KCTD15: variants seen among roughly 807,000 people sequenced by gnomAD.
KCTD15 encodes the protein potassium channel tetramerization domain containing 15, also known as BTB/POZ domain-containing protein KCTD15.
In KCTD15, 11 loss-of-function variants were observed where a neutral mutation model predicts 27.2. The observed-to-expected ratio is 0.41, with a 90% CI of 0.25 to 0.67. The LOEUF is 0.67. Among genes scored for constraint, KCTD15 ranks in the 30% least tolerant of loss-of-function variants. KCTD15 has a pLI of 0.35. For missense variants in KCTD15, 350 were observed against 409.3 expected, an observed-to-expected ratio of 0.86 and a Z score of 1.25; for synonymous variants, 163 against 176.0, an observed-to-expected ratio of 0.93 and a Z score of 0.58.
intron 4 of KCTD15, chr19:33,801,699 C>T (rs557651553): frequency 9.7e-4 from 193 of 198,886 alleles, no homozygotes; most frequent in African/African-American, 4.3e-3. Context: ...GACTTAGGCC[C>T]GGCCCCTGCA....
intron 4 of KCTD15, among the ~76,000 whole-genome samples, chr19:33,806,097 TGTGTGC>T (rs1238640531): frequency 6.6e-6 from 1 of 152,216 alleles, no homozygotes; most frequent in Non-Finnish European, 1.5e-5. Context: ...GCATGGTTTC[TGTGTGC>T]GTGTGTGTAT....
At chr19:33,811,191 T>TCCCCCCCCCCCCCC in intron 5 of KCTD15, 56 bp from the exon 6 acceptor site, 1 of 614,996 alleles carries the variant, frequency 1.6e-6, no homozygotes, top group Non-Finnish European at 2.5e-6. Flanking sequence ...CTCTCCCCCT[T>TCCCCCCCCCCCCCC]CCCCCACCAC....
rs569868420 is a variant in KCTD15, at chr19:33,814,292, C to A, written c.*1344C>A. On this transcript the variant is annotated 3_prime_UTR_variant, in exon 7 of 7. Transcript: ENST00000683859. ...GAAGCAGCAGCCAGACTCCCGCATTCGATGTTGTGCAGGGAGGTTTGGGGG... is the reference window on the plus strand; with the variant it reads ...GAAGCAGCAGCCAGACTCCCGCATTAGATGTTGTGCAGGGAGGTTTGGGGG... 1.3e-5 allele frequency: 2 copies of A among 152,634 alleles called. No homozygotes were observed. The highest frequency in any genetic ancestry group is 1.3e-4 in the Admixed American group (2 of 15,294). 9.5% of individuals were successfully genotyped at this position (152,634 alleles called of 1,614,324 possible). A position where few individuals can be genotyped will look rare whatever the true frequency, so the allele number is the denominator to read the frequency against.
At chr19:33,796,402 G>C (rs922954798), upstream of KCTD15, 2 of 150,346 alleles carry the variant, frequency 1.3e-5, no homozygotes, top group Non-Finnish European at 3.0e-5. Context: ...GGCGAAAGGA[G>C]GGGAAACGGC....
intron 6 of KCTD15, chr19:33,812,149 C>T: frequency 2.5e-6 from 3 of 1,208,502 alleles, no homozygotes; most frequent in South Asian, 5.8e-5. Flanking sequence ...ACGCATTCCA[C>T]AGCCTGTCGG....
At chr19:33,801,446 C>T in intron 4 of KCTD15, 104 bp downstream of exon 4, 8 of 964,004 alleles carry the variant, frequency 8.3e-6, no homozygotes, top group African/African-American at 1.7e-5. Flanking sequence ...CTCCACCCAC[C>T]AGGGTCTCCA....
chr19:33,805,584 C>A (rs976585943), intron 4 of KCTD15, among the ~76,000 whole-genome samples: 5 of 152,176 alleles, frequency 3.3e-5, no homozygotes, highest in African/African-American at 4.8e-5. Flanking sequence ...GCTGGGAAGC[C>A]TAGGTCCCAA....
chr19:33,795,970 G>C (rs909234663), upstream of KCTD15: 3 of 151,972 alleles, frequency 2.0e-5, no homozygotes, highest in African/African-American at 7.2e-5. Flanking sequence ...GGGAGCGGGG[G>C]AGGGGCGGCC....
chr19:33,811,505 G>A lies in KCTD15; in HGVS notation c.646G>A (p.Val216Ile). The A allele has an allele frequency of 6.2e-7, 1 of 1,611,126 alleles. No individual in the cohort carries two copies. Among genetic ancestry groups the A allele is most frequent in the East Asian group, 2.2e-5 (1 of 44,768 alleles). The change falls in exon 6 of 7, where the codon GTC becomes ATC. Residue 216 changes from valine to isoleucine, a missense_variant. Around this residue, in one of 3 missense-constraint regions of KCTD15, gnomAD observed 219 missense variants for 234.9 expected, o/e 0.93. Coordinates refer to ENST00000683859, the MANE Select transcript of KCTD15 (RefSeq NM_001129994.2). The part of the protein sequence containing the change: ...NAGWNQDPTH[V>I]IRFPLNGYCR... ...CGGCTGGAACCAGGACCCCACGCAC[G>A]TCATCCGCTTCCCGCTCAATGGCTA...
chr19:33,797,331 T>A, intron 1 of KCTD15: 1 of 427,842 alleles, frequency 2.3e-6, no homozygotes, highest in Non-Finnish European at 4.7e-6. Context: ...CTCTGGCCCC[T>A]GTTCTGGGCC....
chr19:33,806,469 G>C lies in KCTD15; in HGVS notation c.243-394G>C, dbSNP rs554282351. Among the ~76,000 whole-genome samples, 4 of 152,302 alleles carry C rather than the reference G, an allele frequency of 2.6e-5. No homozygotes were observed. In the East Asian group the frequency reaches 5.8e-4, roughly 22 times the overall value. On this transcript the variant is annotated intron_variant, in intron 4 of 6. Transcript: ENST00000683859. ...GGCCGGGGTGTTGGATGGTTCATGT[G>C]CATTTTCTGGGTGGGTCTATCTGGC...
intron 3 of KCTD15, among the ~76,000 whole-genome samples, chr19:33,800,833 A>G (rs1975512807): frequency 6.6e-6 from 1 of 152,200 alleles, no homozygotes; most frequent in Non-Finnish European, 1.5e-5. Flanking sequence ...GATATTTCAC[A>G]TCTAACACAT....
In KCTD15 at chr19:33,812,943, G is replaced by T. The variant is rs781562603; in HGVS notation, c.847G>T (p.Asp283Tyr). ...TAVRIKQEPL[D>Y] The stretch of plus-strand genomic sequence containing the variant: ...TGTTCGAATCAAGCAGGAACCCCTG[G>T]ACTAGGCCCTGCTTCAGTGCCCACC... Residue 283 changes from aspartate to tyrosine, a missense_variant, in exon 7 of 7, where the codon GAC (aspartate) becomes TAC (tyrosine). Transcript: ENST00000683859. 66 of 1,545,946 alleles carry T rather than the reference G, an allele frequency of 4.3e-5. 2 individuals carry two copies. The South Asian group carries it at 7.6e-4, about 18-fold the overall frequency.
At position 33,800,485 on chromosome 19, in the gene KCTD15, T is replaced by C; in HGVS notation, c.31T>C (p.Ser11Pro). 1 of 1,605,296 alleles carries C rather than the reference T, an allele frequency of 6.2e-7. No individual in the cohort carries two copies. Among genetic ancestry groups the C allele is most frequent in the African/African-American group, 1.3e-5 (1 of 74,932 alleles). The change falls in exon 3 of 7, where the codon TCC becomes CCC. Residue 11 changes from serine to proline, a missense_variant. Ser to Pro is a moderately conservative substitution (Grantham distance 74). Transcript: ENST00000683859. ...TCACCGCAAGGAGCGGCCGAGCGGG[T>C]CCTCGCTTCACACACACGGCAGCAC... MPHRKERPSGSSLHTHGSTGT... is the reference protein window; with the variant it reads MPHRKERPSGPSLHTHGSTGT...
chr19:33,802,604 T>G (rs1282960145), intron 4 of KCTD15, among the ~76,000 whole-genome samples: 1 of 152,066 alleles, frequency 6.6e-6, no homozygotes, highest in Non-Finnish European at 1.5e-5. Flanking sequence ...TGGGGCCCTG[T>G]GGCCTTGGGG....
In KCTD15 at chr19:33,800,487, CT is replaced by C. The variant is rs768656764; in HGVS notation, c.34del (p.Ser12ArgfsTer71). The C allele has an allele frequency of 6.2e-7, 1 of 1,605,338 alleles. No homozygotes were observed. Among genetic ancestry groups the C allele is most frequent in the Non-Finnish European group, 8.5e-7 (1 of 1,177,198 alleles). On this transcript the variant is annotated frameshift_variant, in exon 3 of 7. Transcript: ENST00000683859. LOFTEE classifies it high-confidence loss of function. The part of the protein sequence containing the change: ...PHRKERPSGS[S>X]LHTHGSTGTA... ...ACCGCAAGGAGCGGCCGAGCGGGTC[CT>C]CGCTTCACACACACGGCAGCACCGG...
intron 6 of KCTD15, chr19:33,812,582 G>T: frequency 7.8e-7 from 1 of 1,279,822 alleles, no homozygotes; most frequent in South Asian, 3.0e-5. Context: ...CTAACCTGAG[G>T]GGTCACTGGG....
chr19:33,797,532 C>G (rs546404802), intron 1 of KCTD15: 2 of 371,104 alleles, frequency 5.4e-6, no homozygotes, highest in Non-Finnish European at 1.1e-5. Flanking sequence ...GGTGGTGGTC[C>G]CGGGCGCGCA....
At chr19:33,800,562 T>G (rs368545911) in intron 3 of KCTD15, 42 bp downstream of exon 3, 174 of 1,527,996 alleles carry the variant, frequency 1.1e-4, no homozygotes, top group Admixed American at 2.7e-4. Flanking sequence ...GGGAGTTCCC[T>G]CTTTCCCTTC....
Sources: gnomAD v4.1 joint callset for allele counts (sites outside exome capture counted in the v4.1 genomes callset) on GRCh38, gnomAD v4.1.1 for gene constraint, gnomAD v4.1.1 regional missense constraint, MANE v1.5 for transcripts, NCBI Gene and HGNC (gene_info 2026-07-23, HGNC 2026-07-21) for gene names.